The following CARF variants were observed in gnomAD, a reference collection of about 807,000 sequenced individuals.
The protein encoded by CARF is calcium responsive transcription factor.
In CARF, 57 loss-of-function variants were observed where a neutral mutation model predicts 82.0. The observed-to-expected ratio is 0.70, with a 90% CI of 0.56 to 0.87. The LOEUF is 0.87. Ranked by LOEUF, CARF falls within the 40% of genes least tolerant of loss-of-function variation. The pLI is 0.00. For synonymous variants in CARF, 268 were observed against 290.1 expected (o/e 0.92, Z 0.77); for missense variants, 771 against 855.8 (o/e 0.90, Z 1.24).
chr2:202,975,979 A>G (rs2060007670), intron 13 of CARF, among the ~76,000 whole-genome samples: 1 of 151,826 alleles, frequency 6.6e-6, no homozygotes, highest in Admixed American at 6.6e-5. Context: ...CGGGAGGCGG[A>G]GGTTGCAGTG....
intron 13 of CARF, among the ~76,000 whole-genome samples, chr2:202,975,854 G>C (rs2060001533): frequency 6.6e-6 from 1 of 151,816 alleles, no homozygotes; most frequent in Non-Finnish European, 1.5e-5. Flanking sequence ...AGACCAGCCT[G>C]GCCAACACAG....
Position 202,927,623 on chromosome 2 carries a change from G to C in CARF, c.-44+3208G>C, listed in dbSNP as rs192007645. ...ATATTTTGATACATGTATAAAACGT[G>C]TAATGATCAAATCAGGATAGTTAGC... On this transcript the variant is annotated intron_variant, in intron 3 of 16. Coordinates refer to ENST00000438828, the MANE Select transcript of CARF (RefSeq NM_024744.17). Among the ~76,000 whole-genome samples the C allele has an allele frequency of 8.7e-4, 133 of 152,164 alleles. 1 individual carries two copies. The highest frequency in any genetic ancestry group is 6.8e-3 in the Admixed American group (104 of 15,276).
intron 3 of CARF, among the ~76,000 whole-genome samples, chr2:202,937,456 AAT>A (rs1694129023): frequency 6.6e-6 from 1 of 150,610 alleles, no homozygotes; most frequent in African/African-American, 2.5e-5. Context: ...GTTTTTTTGA[AAT>A]ATTTTTTTTT....
chr2:202,917,609 A>G (rs1341747349), intron 1 of CARF, among the ~76,000 whole-genome samples: 1 of 152,206 alleles, frequency 6.6e-6, no homozygotes, highest in Non-Finnish European at 1.5e-5. Context: ...TGTTTTAGTG[A>G]TAGTTATAAA....
At chr2:202,918,854 A>G (rs1690258274) in intron 2 of CARF, among the ~76,000 whole-genome samples, 1 of 152,216 alleles carries the variant, frequency 6.6e-6, no homozygotes, top group African/African-American at 2.4e-5. Flanking sequence ...TATAGAAACT[A>G]CTTTAATATT....
rs71031002 is a variant in CARF at position 202,915,778 on chromosome 2, G to GT, written c.-329-2090dup. Among the ~76,000 whole-genome samples, 184 of 147,464 alleles carry GT rather than the reference G, an allele frequency of 1.2e-3. 1 individual carries two copies. The highest frequency in any genetic ancestry group is 2.8e-3 in the South Asian group (13 of 4,608). ...CACTGCACCTAGCCTGTTTTTTTTT[G>GT]TTTTTTTTTAAGTAGAGACAGGGTT... On this transcript the variant is annotated intron_variant, in intron 1 of 16. Transcript: ENST00000438828.
intron 10 of CARF, among the ~76,000 whole-genome samples, chr2:202,969,570 C>A (rs1239579796): frequency 7.2e-6 from 1 of 138,478 alleles, no homozygotes; most frequent in Admixed American, 8.1e-5. Flanking sequence ...AGCAAAACTC[C>A]ATCTCAAAAA....
chr2:202,919,336 T>G (rs934738328), intron 2 of CARF, among the ~76,000 whole-genome samples: 5 of 152,064 alleles, frequency 3.3e-5, no homozygotes, highest in African/African-American at 1.2e-4. Context: ...TCAGAGTGAG[T>G]GAGCAAAAGT....
In CARF at chr2:202,983,793, C is replaced by A; in HGVS notation, c.*169C>A. On this transcript the variant is annotated 3_prime_UTR_variant, in exon 17 of 17. Transcript: ENST00000438828. ...GTTGCCAGTTCCATATTTTTACCTTCCTTAAGAGATGTTTTACTCTTCTTA... is the reference window on the plus strand; with the variant it reads ...GTTGCCAGTTCCATATTTTTACCTTACTTAAGAGATGTTTTACTCTTCTTA... The A allele has an allele frequency of 1.8e-6, 1 of 559,396 alleles. No individual in the cohort carries two copies. The highest frequency in any genetic ancestry group is 3.1e-6 in the Non-Finnish European group (1 of 321,776). 34.7% of individuals were successfully genotyped at this position (559,396 alleles called of 1,614,324 possible).
intron 1 of CARF, among the ~76,000 whole-genome samples, chr2:202,916,162 T>TTTTA (rs151050381): frequency 0.013 from 1,936 of 146,640 alleles, 24 homozygotes; most frequent in African/African-American, 0.028. Flanking sequence ...TTGAGCAATA[T>TTTTA]TTTATTTATT....
chr2:202,978,538 A>G (rs2060124015), intron 14 of CARF, among the ~76,000 whole-genome samples: 1 of 152,242 alleles, frequency 6.6e-6, no homozygotes, highest in Non-Finnish European at 1.5e-5. Flanking sequence ...AAAGGTTTCA[A>G]GAAGGGTGGC....
chr2:202,917,210 CAAA>C (rs71034203), intron 1 of CARF, among the ~76,000 whole-genome samples: 3 of 47,002 alleles, frequency 6.4e-5, no homozygotes, highest in African/African-American at 2.0e-4. Context: ...GACTCCGTCT[CAAA>C]AAAAAAAAAA....
chr2:202,954,678 C>G (rs2058945236), intron 7 of CARF, among the ~76,000 whole-genome samples: 1 of 149,242 alleles, frequency 6.7e-6, no homozygotes, highest in Non-Finnish European at 1.5e-5. Context: ...CACCACTGCA[C>G]TCCAGCCTGG....
intron 8 of CARF, among the ~76,000 whole-genome samples, chr2:202,960,310 C>T (rs1420940859): frequency 1.3e-5 from 2 of 151,410 alleles, no homozygotes; most frequent in Non-Finnish European, 2.9e-5. Context: ...AGCGCAATGG[C>T]ACAATCTCAA....
intron 5 of CARF, among the ~76,000 whole-genome samples, chr2:202,944,595 CTTTT>C (rs935564806): frequency 1.3e-5 from 2 of 152,102 alleles, no homozygotes; most frequent in Non-Finnish European, 2.9e-5. Flanking sequence ...CAGGGGAATC[CTTTT>C]TGTTTATGTT....
intron 10 of CARF, 95 bp from the exon 11 acceptor site, chr2:202,969,824 A>G: frequency 1.3e-6 from 1 of 781,910 alleles, no homozygotes; most frequent in South Asian, 3.1e-5. Flanking sequence ...AATTTTCTCT[A>G]AGCTTAAATG....
chr2:202,934,834 G>A (rs1464632410), intron 3 of CARF, among the ~76,000 whole-genome samples: 2 of 151,868 alleles, frequency 1.3e-5, no homozygotes, highest in Non-Finnish European at 2.9e-5. Flanking sequence ...CCAGCACTTT[G>A]GGAGGCCAAG....
At chr2:202,920,302 A>G (rs1368060344) in intron 2 of CARF, among the ~76,000 whole-genome samples, 1 of 151,922 alleles carries the variant, frequency 6.6e-6, no homozygotes, top group African/African-American at 2.4e-5. Flanking sequence ...ACAGGCGCCC[A>G]CCATCATGCC....
At chr2:202,934,716 A>C (rs1243071286) in intron 3 of CARF, 1 of 152,266 alleles carries the variant, frequency 6.6e-6, no homozygotes, top group Non-Finnish European at 1.5e-5. Context: ...TGGCCTCCCA[A>C]AGTGCTAGAA....
Sources: gnomAD v4.1 joint callset for allele counts (sites outside exome capture counted in the v4.1 genomes callset) on GRCh38, gnomAD v4.1.1 for gene constraint, MANE v1.5 for transcripts, NCBI Gene and HGNC (gene_info 2026-07-23, HGNC 2026-07-21) for gene names.